The following APBA2 variants were observed in gnomAD, a reference collection of about 807,000 sequenced individuals.
APBA2 encodes the protein amyloid-beta A4 precursor protein-binding family A member 2.
APBA2 carries 30 observed loss-of-function variants against 75.0 expected under a neutral mutation model. The observed-to-expected ratio is 0.40, with a 90% CI of 0.30 to 0.54. The LOEUF (loss-of-function observed/expected upper bound fraction) is 0.54. APBA2 is among the 20% of genes least tolerant of loss of function. The pLI is 0.49. For synonymous variants in APBA2, 444 were observed against 409.6 expected (o/e 1.08, Z -1.01); for missense variants, 801 against 1,016.1 (o/e 0.79, Z 2.88).
At chr15:29,019,399 G>A (rs1472597871) in intron 3 of APBA2, among the ~76,000 whole-genome samples, 1 of 152,226 alleles carries the variant, frequency 6.6e-6, no homozygotes, top group Non-Finnish European at 1.5e-5. Flanking sequence ...GTGCAACACA[G>A]GAGTGCATTC....
intron 2 of APBA2, among the ~76,000 whole-genome samples, chr15:28,993,749 C>T (rs910101199): frequency 4.6e-5 from 7 of 152,186 alleles, no homozygotes; most frequent in African/African-American, 1.7e-4. Context: ...TCTGGAGACT[C>T]GCAGACTCTG....
chr15:29,095,934 G>A (rs1376863253), intron 8 of APBA2, among the ~76,000 whole-genome samples: 1 of 152,220 alleles, frequency 6.6e-6, no homozygotes, highest in East Asian at 1.9e-4. Flanking sequence ...GGAGCAGGGA[G>A]TCCCTACGGA....
chr15:29,081,672 A>G (rs904498925), intron 6 of APBA2, among the ~76,000 whole-genome samples: 2 of 152,232 alleles, frequency 1.3e-5, no homozygotes, highest in Admixed American at 6.5e-5. Context: ...CACTGGCCAC[A>G]TGGCTCTGTA....
chr15:29,015,738 A>G (rs888280721), intron 3 of APBA2, among the ~76,000 whole-genome samples: 1 of 152,192 alleles, frequency 6.6e-6, no homozygotes, highest in African/African-American at 2.4e-5. Flanking sequence ...TGACAACTGC[A>G]TCCAAATAGC....
rs949171328 is a variant in APBA2, at chr15:29,106,954, G to C, written c.1917+135G>C. The stretch of plus-strand genomic sequence containing the variant: ...AACTGAGGCCCAGGGAGACCCACCC[G>C]GTGACTGGTCGATGATGGTATCAGA... On this transcript the variant is annotated intron_variant, in intron 12 of 14. Coordinates refer to ENST00000683413, the MANE Select transcript of APBA2 (RefSeq NM_001353788.2). The C allele has an allele frequency of 7.6e-6, 6 of 784,542 alleles. No homozygotes were observed. In the Admixed American group the frequency reaches 8.9e-5, roughly 12 times the overall value. 48.6% of individuals were successfully genotyped at this position (784,542 alleles called of 1,614,324 possible). A position where few individuals can be genotyped will look rare whatever the true frequency, so the allele number is the denominator to read the frequency against.
At chr15:29,092,349 C>T (rs1427443259) in intron 6 of APBA2, among the ~76,000 whole-genome samples, 1 of 152,170 alleles carries the variant, frequency 6.6e-6, no homozygotes, top group Non-Finnish European at 1.5e-5. Context: ...GGATATGACT[C>T]TAACATGTGG....
chr15:29,070,735 A>T (rs758547630), intron 4 of APBA2: 1 of 240,422 alleles, frequency 4.2e-6, no homozygotes, highest in African/African-American at 2.3e-5. Flanking sequence ...CCAGGGGGTC[A>T]TGCTCTCACT....
chr15:28,997,891 T>C (rs1209315871), intron 3 of APBA2, among the ~76,000 whole-genome samples: 2 of 152,212 alleles, frequency 1.3e-5, no homozygotes, highest in Non-Finnish European at 2.9e-5. Context: ...AGGCCTATCA[T>C]GTAAGTGAAT....
chr15:28,983,423 C>A (rs1234295753), intron 2 of APBA2, among the ~76,000 whole-genome samples: 3 of 152,216 alleles, frequency 2.0e-5, no homozygotes, highest in Non-Finnish European at 4.4e-5. Context: ...TTCTGATACT[C>A]AGTTTTGGGC....
At chr15:28,916,446 C>T (rs2033694825) in intron 1 of APBA2, among the ~76,000 whole-genome samples, 2 of 152,236 alleles carry the variant, frequency 1.3e-5, no homozygotes, top group African/African-American at 4.8e-5. Context: ...TGGTGAAACA[C>T]TCAACCAGTA....
At chr15:28,987,353 T>G (rs187535896) in intron 2 of APBA2, among the ~76,000 whole-genome samples, 1 of 152,028 alleles carries the variant, frequency 6.6e-6, no homozygotes, top group Non-Finnish European at 1.5e-5. Flanking sequence ...GTGGTTCTAG[T>G]GGAGGGGAAA....
chr15:29,074,368 G>A (rs1174642408), intron 4 of APBA2, among the ~76,000 whole-genome samples: 1 of 152,196 alleles, frequency 6.6e-6, no homozygotes, highest in African/African-American at 2.4e-5. Flanking sequence ...AGGACATTTT[G>A]CTGAGTGCAA....
chr15:29,075,158 A>G (rs2042795847), intron 5 of APBA2, among the ~76,000 whole-genome samples, 157 bp downstream of exon 5: 1 of 152,028 alleles, frequency 6.6e-6, no homozygotes, highest in African/African-American at 2.4e-5. Flanking sequence ...TGGTGTCACC[A>G]TATGGTGAGG....
At chr15:28,910,315 G>A (rs1372571208) in intron 1 of APBA2, among the ~76,000 whole-genome samples, 1 of 152,212 alleles carries the variant, frequency 6.6e-6, no homozygotes, top group Non-Finnish European at 1.5e-5. Flanking sequence ...TCAGGTGGGT[G>A]GGCAGGGACG....
intron 4 of APBA2, among the ~76,000 whole-genome samples, chr15:29,069,361 T>G (rs1188432825): frequency 6.6e-6 from 1 of 152,246 alleles, no homozygotes; most frequent in Non-Finnish European, 1.5e-5. Flanking sequence ...TTTCAGCTCT[T>G]TTGGGTGTAT....
intron 12 of APBA2, 147 bp from the exon 13 acceptor site, chr15:29,108,123 G>T (rs2044527275): frequency 3.4e-6 from 4 of 1,164,042 alleles, no homozygotes; most frequent in Non-Finnish European, 5.0e-6. Context: ...GCACAGAGGG[G>T]CTACCGAGGC....
chr15:28,918,742 C>T lies in APBA2; in HGVS notation c.-204-2898C>T, dbSNP rs1188095345. Among the ~76,000 whole-genome samples, 2 of 152,104 alleles carry T rather than the reference C, an allele frequency of 1.3e-5. No homozygotes were observed. Among genetic ancestry groups the T allele is most frequent in the Non-Finnish European group, 1.5e-5 (1 of 68,022 alleles). On this transcript the variant is annotated intron_variant, in intron 1 of 14. Coordinates refer to ENST00000683413, the MANE Select transcript of APBA2 (RefSeq NM_001353788.2). This position sits in a 1 kb window ranked among gnomAD's most constrained non-coding sequence, Gnocchi z 4.2. Reference sequence around the variant, plus strand: ...GTCGCCATGGCAGCTGGAGAGCGGGCGACCGGTCGCTTGGCGTCCTGCTTG... The same window carrying T: ...GTCGCCATGGCAGCTGGAGAGCGGGTGACCGGTCGCTTGGCGTCCTGCTTG...
chr15:29,034,246 G>C (rs2040632562), intron 3 of APBA2, among the ~76,000 whole-genome samples: 1 of 152,164 alleles, frequency 6.6e-6, no homozygotes, highest in Admixed American at 6.5e-5. Flanking sequence ...AGCCTTCCCA[G>C]AAGTCAGGCT....
intron 3 of APBA2, among the ~76,000 whole-genome samples, chr15:29,013,137 T>C (rs980388790): frequency 6.6e-6 from 1 of 152,098 alleles, no homozygotes; most frequent in Non-Finnish European, 1.5e-5. Flanking sequence ...TCTTCAGACA[T>C]AATATTTTTT....
Sources: gnomAD v4.1 joint callset for allele counts (sites outside exome capture counted in the v4.1 genomes callset) on GRCh38, gnomAD v4.1.1 for gene constraint, Gnocchi (gnomAD v3.1) non-coding constraint, MANE v1.5 for transcripts, NCBI Gene and HGNC (gene_info 2026-07-23, HGNC 2026-07-21) for gene names.